The following AGO2 variants were observed in gnomAD, a reference collection of about 807,000 sequenced individuals.
AGO2 encodes the protein argonaute RISC catalytic component 2, also known as protein argonaute-2.
In AGO2, 5 loss-of-function variants were observed where a neutral mutation model predicts 102.3. That is an observed-to-expected ratio of 0.05 (90% confidence interval 0.03 to 0.10). The LOEUF is 0.10. AGO2 is among the 10% of genes least tolerant of loss of function. AGO2 has a pLI of 1.00. For missense variants in AGO2, 541 were observed against 1,183.7 expected, an observed-to-expected ratio of 0.46 and a Z score of 7.97; for synonymous variants, 449 against 473.1, an observed-to-expected ratio of 0.95 and a Z score of 0.66.
At chr8:140,536,431 A>T (rs1488929666) in intron 16 of AGO2, among the ~76,000 whole-genome samples, 1 of 150,992 alleles carries the variant, frequency 6.6e-6, no homozygotes, top group Non-Finnish European at 1.5e-5. Context: ...GGTTCAAGCG[A>T]TTCTCCTGCC....
intron 15 of AGO2, 42 bp downstream of exon 15, chr8:140,541,122 A>G: frequency 6.7e-7 from 1 of 1,484,978 alleles, no homozygotes. Flanking sequence ...GGTGAATTAC[A>G]GACCCCAGAG....
At chr8:140,588,964 A>G (rs1167599316) in intron 1 of AGO2, among the ~76,000 whole-genome samples, 2 of 152,254 alleles carry the variant, frequency 1.3e-5, no homozygotes, top group Non-Finnish European at 2.9e-5. Context: ...TGAAAGGGAA[A>G]AATAGTGAAT....
chr8:140,613,340 A>C (rs12546392), intron 1 of AGO2, among the ~76,000 whole-genome samples: 6,087 of 152,334 alleles, frequency 0.04, 338 homozygotes, highest in African/African-American at 0.13. Flanking sequence ...TTCTCATTAT[A>C]TTTTGTTTTA....
chr8:140,624,912 G>C (rs2074256627), intron 1 of AGO2, among the ~76,000 whole-genome samples: 1 of 152,202 alleles, frequency 6.6e-6, no homozygotes, highest in South Asian at 2.1e-4. Flanking sequence ...GCGGGGGATA[G>C]TGCATGGCAC....
At chr8:140,534,736 A>G (rs938033746) in intron 17 of AGO2, among the ~76,000 whole-genome samples, 4 of 152,226 alleles carry the variant, frequency 2.6e-5, no homozygotes, top group Non-Finnish European at 5.9e-5. Context: ...TCAAGTCCTT[A>G]CTTATACTTT....
chr8:140,635,352 GCCCGCCCCCGGCC>G (rs1356585996), intron 1 of AGO2, 120 bp downstream of exon 1: 3 of 552,496 alleles, frequency 5.4e-6, no homozygotes, highest in Admixed American at 6.6e-5. Context: ...GCCCCGGCTC[GCCCGCCCCCGGCC>G]CCCGCCGCCC....
intron 10 of AGO2, among the ~76,000 whole-genome samples, chr8:140,554,484 G>A (rs1442989889): frequency 2.6e-5 from 4 of 152,192 alleles, no homozygotes; most frequent in Non-Finnish European, 5.9e-5. Flanking sequence ...GGAAATGTTA[G>A]CTAGAAAACA....
intron 2 of AGO2, among the ~76,000 whole-genome samples, chr8:140,582,278 C>A (rs545683421): frequency 2.6e-5 from 4 of 152,062 alleles, no homozygotes; most frequent in Non-Finnish European, 5.9e-5. Flanking sequence ...AGAAATAGAT[C>A]CACCCACATA....
chr8:140,563,359 T>C (rs1472563364), intron 3 of AGO2, among the ~76,000 whole-genome samples: 1 of 152,118 alleles, frequency 6.6e-6, no homozygotes, highest in Non-Finnish European at 1.5e-5. Context: ...GCCTTCCAAG[T>C]AGCTGGAACT....
rs2072527644 is a variant in AGO2 at position 140,527,614 on chromosome 8, T to C, written c.*4430A>G. 1 of 151,214 alleles carries C rather than the reference T, an allele frequency of 6.6e-6. No homozygotes were observed. The highest frequency in any genetic ancestry group is 1.5e-5 in the Non-Finnish European group (1 of 67,848). 9.4% of individuals were successfully genotyped at this position (151,214 alleles called of 1,614,324 possible). On this transcript the variant is annotated 3_prime_UTR_variant, in exon 19 of 19. Coordinates refer to ENST00000220592, the MANE Select transcript of AGO2 (RefSeq NM_012154.5). This position sits in a 1 kb window ranked among gnomAD's most constrained non-coding sequence, Gnocchi z 6.0. ...GAGACTGCTGGCACGGCAGCTAGAGTGCAACTCCTCGGTCACTTTGGGGAA... is the reference window on the plus strand; with the variant it reads ...GAGACTGCTGGCACGGCAGCTAGAGCGCAACTCCTCGGTCACTTTGGGGAA...
chr8:140,610,478 C>T (rs924324748), intron 1 of AGO2, among the ~76,000 whole-genome samples: 2 of 152,208 alleles, frequency 1.3e-5, no homozygotes, highest in African/African-American at 4.8e-5. Flanking sequence ...CTCAGCCTCC[C>T]AAAGTGCTGG....
intron 3 of AGO2, among the ~76,000 whole-genome samples, chr8:140,563,647 C>A (rs979107766): frequency 1.3e-5 from 2 of 152,246 alleles, no homozygotes; most frequent in Non-Finnish European, 2.9e-5. Flanking sequence ...AAGGCCTTCC[C>A]ACTCCATGTG....
rs558603808 is a variant in AGO2, at chr8:140,613,678, C to G, written c.22+21807G>C. 3.3e-5 allele frequency among the ~76,000 whole-genome samples: 5 copies of G among 152,158 alleles called. No homozygotes were observed. The East Asian group carries it at 9.6e-4, about 29-fold the overall frequency. On this transcript the variant is annotated intron_variant, in intron 1 of 18. Transcript: ENST00000220592. ...AATCGGCGACAAATGGAACTCTATC[C>G]ACAAGACCACTGCAGAAATTCGGGT...
chr8:140,549,468 C>G (rs141962282), intron 11 of AGO2, among the ~76,000 whole-genome samples, 170 bp from the exon 12 acceptor site: 17 of 152,392 alleles, frequency 1.1e-4, no homozygotes, highest in Admixed American at 1.1e-3. Flanking sequence ...GCTACATCTC[C>G]TAACACATAC....
In AGO2 at chr8:140,540,020, G is replaced by C. The variant is rs952025836; in HGVS notation, c.2035-566C>G. On this transcript the variant is annotated intron_variant, in intron 15 of 18. Transcript: ENST00000220592. This position sits in a 1 kb window ranked among gnomAD's most constrained non-coding sequence, Gnocchi z 5.0. ...CAGGAGAACTGCTTGAACCCGGGAG[G>C]TGGAGGTTGCAGTGAGCCGAGATCC... Among the ~76,000 whole-genome samples the C allele has an allele frequency of 2.0e-5, 3 of 152,150 alleles. No homozygotes were observed. Among genetic ancestry groups the C allele is most frequent in the Non-Finnish European group, 4.4e-5 (3 of 68,026 alleles).
intron 2 of AGO2, among the ~76,000 whole-genome samples, chr8:140,579,095 C>T (rs927436159): frequency 9.9e-5 from 15 of 151,950 alleles, no homozygotes; most frequent in African/African-American, 2.2e-4. Flanking sequence ...TGGTGGTGCG[C>T]GCCTGTGGTC....
At chr8:140,633,593 A>G (rs2074367313) in intron 1 of AGO2, among the ~76,000 whole-genome samples, 1 of 152,208 alleles carries the variant, frequency 6.6e-6, no homozygotes, top group South Asian at 2.1e-4. Flanking sequence ...TACAGCAGTG[A>G]GCTGGGGTGG....
At chr8:140,600,843 C>T (rs2073922926) in intron 1 of AGO2, among the ~76,000 whole-genome samples, 1 of 151,188 alleles carries the variant, frequency 6.6e-6, no homozygotes, top group African/African-American at 2.4e-5. Context: ...CACCAAGACC[C>T]CGTAGGATTG....
intron 1 of AGO2, among the ~76,000 whole-genome samples, chr8:140,613,955 C>G (rs934700459): frequency 2.2e-5 from 3 of 136,684 alleles, no homozygotes; most frequent in Non-Finnish European, 3.0e-5. Flanking sequence ...GTTGAAACTG[C>G]AGTGAACCAT....
Sources: gnomAD v4.1 joint callset for allele counts (sites outside exome capture counted in the v4.1 genomes callset) on GRCh38, gnomAD v4.1.1 for gene constraint, Gnocchi (gnomAD v3.1) non-coding constraint, MANE v1.5 for transcripts, NCBI Gene and HGNC (gene_info 2026-07-23, HGNC 2026-07-21) for gene names.